MAF: variants seen among roughly 807,000 people sequenced by gnomAD.
MAF encodes the protein transcription factor Maf.
Under a neutral mutation model 22.0 loss-of-function variants are expected in MAF, and 10 were observed. The observed-to-expected ratio is 0.45, with a 90% CI of 0.28 to 0.77. MAF has a LOEUF of 0.77. Among genes scored for constraint, MAF ranks in the 30% least tolerant of loss-of-function variants. The probability of loss-of-function intolerance (pLI) is 0.12; values close to 1 mark genes in which losing one functional copy is unlikely to be tolerated. For synonymous variants in MAF, 337 were observed against 255.8 expected, an observed-to-expected ratio of 1.32 and a Z score of -3.03; for missense variants, 544 against 548.4, an observed-to-expected ratio of 0.99 and a Z score of 0.08.
the MAF span, among the ~76,000 whole-genome samples, chr16:79,528,436 C>A: frequency 3.3e-5 from 5 of 152,232 alleles, no homozygotes; most frequent in South Asian, 6.2e-4. Flanking sequence ...TTGGCAAAAC[C>A]CCTGCCACTT....
the MAF span, among the ~76,000 whole-genome samples, chr16:79,235,208 A>C: frequency 6.6e-6 from 1 of 152,066 alleles, no homozygotes; most frequent in Non-Finnish European, 1.5e-5. Context: ...TCCTCAAAGC[A>C]GCTGGCAGTC....
chr16:79,360,343 G>A, the MAF span, among the ~76,000 whole-genome samples: 1 of 152,128 alleles, frequency 6.6e-6, no homozygotes, highest in African/African-American at 2.4e-5. Flanking sequence ...GCCCTTAAAT[G>A]ATGCCCTACT....
the MAF span, among the ~76,000 whole-genome samples, chr16:79,333,458 C>G: frequency 6.6e-6 from 1 of 152,144 alleles, no homozygotes; most frequent in African/African-American, 2.4e-5. Context: ...TACGACGGAC[C>G]ATGTCAGCGG....
the MAF span, among the ~76,000 whole-genome samples, chr16:79,338,171 A>T: frequency 6.6e-6 from 1 of 152,216 alleles, no homozygotes; most frequent in Non-Finnish European, 1.5e-5. Context: ...CAACAGTGAA[A>T]TGCATATATG....
At chr16:79,468,970 G>C in the MAF span, among the ~76,000 whole-genome samples, 2 of 152,062 alleles carry the variant, frequency 1.3e-5, no homozygotes, top group African/African-American at 4.8e-5. Context: ...TCCATATAAA[G>C]AGTGATGTTG....
chr16:79,596,588 C>G, intron 1 of MAF: 3 of 1,046,106 alleles, frequency 2.9e-6, no homozygotes, highest in Non-Finnish European at 3.5e-6. Context: ...GTTAGTAACT[C>G]AAGATATAAA....
chr16:79,599,668 C>T lies in MAF; in HGVS notation c.235G>A (p.Gly79Ser). ...TGCGCCTTCTGCTCGCTGCCCGAGC[C>T]CGGGCTGGGCGCCGAGAAGCTGGGG... ...PSPSFSAPSP[G>S]SGSEQKAHLE... Residue 79 changes from glycine (G) to serine (S), a missense_variant, in exon 1 of 2, where the codon GGC becomes AGC. Transcript: ENST00000326043. 1 of 1,612,306 alleles carries T rather than the reference C, an allele frequency of 6.2e-7. No homozygotes were observed. Among genetic ancestry groups the T allele is most frequent in the South Asian group, 1.1e-5 (1 of 91,002 alleles).
the MAF span, among the ~76,000 whole-genome samples, chr16:79,356,572 C>A: frequency 6.6e-6 from 1 of 152,166 alleles, no homozygotes; most frequent in Non-Finnish European, 1.5e-5. Context: ...ACCCCTAGGT[C>A]TCTGAGCATG....
At chr16:79,203,878 C>T in the MAF span, 1 of 152,092 alleles carries the variant, frequency 6.6e-6, no homozygotes, top group Non-Finnish European at 1.5e-5. Context: ...CTAGCTATAA[C>T]CATAACAGAG....
At chr16:79,582,996 G>A (rs1250549694), downstream of MAF, among the ~76,000 whole-genome samples, 1 of 152,176 alleles carries the variant, frequency 6.6e-6, no homozygotes, top group Non-Finnish European at 1.5e-5. Context: ...ATGGCACCAC[G>A]TGGTTCACCA....
chr16:79,458,752 T>C, the MAF span, among the ~76,000 whole-genome samples: 1 of 152,232 alleles, frequency 6.6e-6, no homozygotes, highest in Non-Finnish European at 1.5e-5. Context: ...AAATGTATCA[T>C]GAAGTACGTA....
the MAF span, among the ~76,000 whole-genome samples, chr16:79,371,125 TCA>T: frequency 4.9e-5 from 6 of 122,596 alleles, no homozygotes; most frequent in South Asian, 4.5e-4. Flanking sequence ...AAACATTCAT[TCA>T]CATTTTTTTT....
At chr16:79,443,045 T>C in the MAF span, among the ~76,000 whole-genome samples, 65 of 152,304 alleles carry the variant, frequency 4.3e-4, no homozygotes, top group Admixed American at 3.1e-3. Context: ...ATGGGACTGA[T>C]TGGGGTCACA....
the MAF span, among the ~76,000 whole-genome samples, chr16:79,428,008 T>G: frequency 6.7e-6 from 1 of 148,186 alleles, no homozygotes; most frequent in East Asian, 2.1e-4. Context: ...GCTTTTCTGT[T>G]GTAAACCTGG....
At chr16:79,548,806 G>C in the MAF span, among the ~76,000 whole-genome samples, 11 of 152,152 alleles carry the variant, frequency 7.2e-5, no homozygotes, top group Non-Finnish European at 1.5e-4. Flanking sequence ...GTCCCAGAGA[G>C]AGTGGCAGAC....
chr16:79,285,101 C>T, the MAF span, among the ~76,000 whole-genome samples: 1 of 152,166 alleles, frequency 6.6e-6, no homozygotes, highest in African/African-American at 2.4e-5. Flanking sequence ...ATTTCATGCT[C>T]ATTTAAATTC....
At chr16:79,467,137 C>G in the MAF span, among the ~76,000 whole-genome samples, 1 of 152,138 alleles carries the variant, frequency 6.6e-6, no homozygotes, top group Non-Finnish European at 1.5e-5. Context: ...GATCAAACCC[C>G]TTACAGTGGC....
chr16:79,440,932 T>C, the MAF span, among the ~76,000 whole-genome samples: 1 of 152,244 alleles, frequency 6.6e-6, no homozygotes, highest in African/African-American at 2.4e-5. Context: ...CTGTCCTCTG[T>C]AGCTTTTGGT....
the MAF span, chr16:79,203,263 A>T: frequency 6.6e-6 from 1 of 152,232 alleles, no homozygotes; most frequent in African/African-American, 2.4e-5. Context: ...TCTAAATGAA[A>T]TATTAACAAG....
Sources: allele counts gnomAD v4.1 joint callset (sites outside exome capture counted in the v4.1 genomes callset), GRCh38; gene constraint gnomAD v4.1.1; transcripts MANE v1.5; gene names NCBI Gene and HGNC (gene_info 2026-07-23, HGNC 2026-07-21).